The following KDM4C variants were observed in gnomAD, a reference collection of about 807,000 sequenced individuals.
KDM4C encodes lysine demethylase 4C, also known as lysine-specific demethylase 4C.
A neutral mutation model predicts 129.3 loss-of-function variants in KDM4C; 81 were observed. That is an observed-to-expected ratio of 0.63 (90% CI 0.52 to 0.75). The LOEUF (loss-of-function observed/expected upper bound fraction) is 0.75, where lower values mean the gene tolerates loss of function less well. Ranked by LOEUF, KDM4C falls within the 30% of genes least tolerant of loss-of-function variation. The pLI is 0.00. For missense variants in KDM4C, 1,457 were observed against 1,304.0 expected (o/e 1.12, Z -1.81); for synonymous variants, 573 against 456.1 (o/e 1.26, Z -3.26).
chr9:7,049,009 C>G, intron 16 of KDM4C, 83 bp from the exon 17 acceptor site: 1 of 854,900 alleles, frequency 1.2e-6, no homozygotes, highest in Non-Finnish European at 2.0e-6. Flanking sequence ...GTGTATTTCC[C>G]ATCTGTGAGA....
In KDM4C at chr9:7,058,713, CAT is replaced by C. The variant is rs1173688805; in HGVS notation, c.2424+9514_2424+9515del. Among the ~76,000 whole-genome samples, 5 of 152,302 alleles carry C rather than the reference CAT, an allele frequency of 3.3e-5. No homozygotes were observed. In the East Asian group the frequency reaches 9.6e-4, roughly 29 times the overall value. ...ATTATATTAAGTCTGGATTCTTGAA[CAT>C]GTGCCTTGTTTACATTCCGTGTGAT... On this transcript the variant is annotated intron_variant, in intron 17 of 21. Transcript: ENST00000381309.
chr9:6,742,738 C>T (rs967918334), intron 1 of KDM4C, among the ~76,000 whole-genome samples: 6 of 150,388 alleles, frequency 4.0e-5, no homozygotes, highest in African/African-American at 1.5e-4. Flanking sequence ...GGCAGTGGGG[C>T]GATCTAAGAA....
At chr9:6,822,656 C>G (rs1379249292) in intron 4 of KDM4C, among the ~76,000 whole-genome samples, 1 of 152,172 alleles carries the variant, frequency 6.6e-6, no homozygotes, top group Non-Finnish European at 1.5e-5. Flanking sequence ...CCTTTGTTAA[C>G]AAGCCTTTAC....
At chr9:6,776,849 G>T (rs889792579) in intron 1 of KDM4C, among the ~76,000 whole-genome samples, 1 of 142,242 alleles carries the variant, frequency 7.0e-6, no homozygotes, top group African/African-American at 2.6e-5. Context: ...TGATCCACCC[G>T]CCTCGGCCTC....
upstream of KDM4C, among the ~76,000 whole-genome samples, chr9:6,755,155 A>G (rs1251487430): frequency 6.6e-6 from 1 of 152,186 alleles, no homozygotes; most frequent in African/African-American, 2.4e-5. Context: ...GTGGATCACA[A>G]GGTCAGGAGA....
intron 17 of KDM4C, among the ~76,000 whole-genome samples, chr9:7,100,719 G>A (rs1331245281): frequency 6.6e-6 from 1 of 151,774 alleles, no homozygotes; most frequent in African/African-American, 2.4e-5. Flanking sequence ...TTGACCCAGG[G>A]TTTCTGCTGC....
At chr9:7,067,460 A>G (rs1259970661) in intron 17 of KDM4C, among the ~76,000 whole-genome samples, 3 of 152,204 alleles carry the variant, frequency 2.0e-5, no homozygotes, top group Non-Finnish European at 4.4e-5. Flanking sequence ...TCTCTGAGAA[A>G]TGTTCCACTT....
chr9:7,059,868 A>T (rs1831371761), intron 17 of KDM4C, among the ~76,000 whole-genome samples: 1 of 152,238 alleles, frequency 6.6e-6, no homozygotes, highest in South Asian at 2.1e-4. Flanking sequence ...TGAATTCATA[A>T]ATATATATTT....
chr9:7,065,882 A>G (rs1237168897), intron 17 of KDM4C, among the ~76,000 whole-genome samples: 1 of 152,192 alleles, frequency 6.6e-6, no homozygotes, highest in Non-Finnish European at 1.5e-5. Context: ...CTGTAGTTTG[A>G]AAAAGCAAAA....
intron 12 of KDM4C, among the ~76,000 whole-genome samples, chr9:7,010,534 A>G (rs550044635): frequency 6.6e-6 from 1 of 152,234 alleles, no homozygotes; most frequent in Non-Finnish European, 1.5e-5. Flanking sequence ...ATTGCTCTAC[A>G]GTATTTATTG....
intron 1 of KDM4C, among the ~76,000 whole-genome samples, chr9:6,788,689 G>A (rs1377527843): frequency 6.6e-6 from 1 of 152,194 alleles, no homozygotes; most frequent in Non-Finnish European, 1.5e-5. Flanking sequence ...AGGGCTTAAA[G>A]AGGTGGCGAG....
At chr9:7,081,359 C>G (rs1157225867) in intron 17 of KDM4C, among the ~76,000 whole-genome samples, 3 of 152,142 alleles carry the variant, frequency 2.0e-5, no homozygotes, top group Admixed American at 6.5e-5. Flanking sequence ...ATGCAATTTC[C>G]TAATTTTATG....
chr9:6,749,490 C>T (rs1307442603), intron 1 of KDM4C, among the ~76,000 whole-genome samples: 1 of 151,900 alleles, frequency 6.6e-6, no homozygotes, highest in Non-Finnish European at 1.5e-5. Flanking sequence ...GGTGAGACCC[C>T]ATCTCTACAA....
intron 12 of KDM4C, among the ~76,000 whole-genome samples, chr9:6,994,311 C>A (rs772417028): frequency 6.6e-6 from 1 of 152,066 alleles, no homozygotes; most frequent in African/African-American, 2.4e-5. Flanking sequence ...CTTCTCCTTA[C>A]CCTCCCCCTG....
intron 11 of KDM4C, 172 bp downstream of exon 11, chr9:6,986,838 G>T (rs1245161558): frequency 5.5e-6 from 3 of 540,750 alleles, no homozygotes; most frequent in African/African-American, 3.8e-5. Context: ...CCTGTGAGCT[G>T]TGGCTCACAT....
chr9:6,870,038 T>C (rs1427670559), intron 5 of KDM4C, among the ~76,000 whole-genome samples: 1 of 152,204 alleles, frequency 6.6e-6, no homozygotes, highest in African/African-American at 2.4e-5. Context: ...TTTTTGACAA[T>C]TGGTTATGAG....
At chr9:7,014,190 C>G (rs910336348) in intron 14 of KDM4C, 189 bp downstream of exon 14, 3 of 551,614 alleles carry the variant, frequency 5.4e-6, no homozygotes, top group Non-Finnish European at 9.5e-6. Flanking sequence ...TCACCACTTT[C>G]ATGTAGTATC....
intron 17 of KDM4C, among the ~76,000 whole-genome samples, chr9:7,061,490 G>A (rs181195924): frequency 6.6e-6 from 1 of 152,208 alleles, no homozygotes; most frequent in South Asian, 2.1e-4. Context: ...GCCTGGTGCT[G>A]GTGGGTTGGG....
At position 6,894,328 on chromosome 9, in the gene KDM4C, G is replaced by T. The variant is rs1188580193; in HGVS notation, c.921+1096G>T. Among the ~76,000 whole-genome samples, 6 of 152,198 alleles carry T rather than the reference G, an allele frequency of 3.9e-5. No homozygotes were observed. In the East Asian group the frequency reaches 1.2e-3, roughly 29 times the overall value. ...ACTTTTTCTGTTCTAAGTAATTTCT[G>T]TTTATGCTGAGTAATTCAGAAAGGA... is the stretch of plus-strand genomic sequence containing the variant. On this transcript the variant is annotated intron_variant, in intron 8 of 21. Transcript: ENST00000381309.
Sources: allele counts gnomAD v4.1 joint callset (sites outside exome capture counted in the v4.1 genomes callset), GRCh38; gene constraint gnomAD v4.1.1; transcripts MANE v1.5; gene names NCBI Gene and HGNC (gene_info 2026-07-23, HGNC 2026-07-21).